The following TFPI variants were observed in gnomAD, a reference collection of about 807,000 sequenced individuals.
TFPI encodes tissue factor pathway inhibitor.
TFPI carries 15 observed loss-of-function variants against 34.6 expected under a neutral mutation model. That is an observed-to-expected ratio of 0.43 (90% CI 0.29 to 0.67). The LOEUF (loss-of-function observed/expected upper bound fraction) is 0.67, where lower values mean the gene tolerates loss of function less well. Ranked by LOEUF, TFPI falls within the 30% of genes least tolerant of loss-of-function variation. TFPI has a pLI of 0.15. For missense variants in TFPI, 301 were observed against 364.0 expected (o/e 0.83, Z 1.41); for synonymous variants, 105 against 120.1 (o/e 0.87, Z 0.82).
At chr2:187,501,446 G>T (rs977415610) in intron 2 of TFPI, among the ~76,000 whole-genome samples, 5 of 151,984 alleles carry the variant, frequency 3.3e-5, no homozygotes, top group African/African-American at 4.8e-5. Flanking sequence ...TACCATCTAA[G>T]AATCCACATG....
intron 3 of TFPI, among the ~76,000 whole-genome samples, chr2:187,492,463 G>GA: frequency 6.6e-6 from 1 of 152,130 alleles, no homozygotes; most frequent in Non-Finnish European, 1.5e-5. Context: ...ACCATTTATT[G>GA]AATAGAGTGC....
At chr2:187,496,785 C>T in intron 3 of TFPI, 96 bp downstream of exon 3, 1 of 1,099,478 alleles carries the variant, frequency 9.1e-7, no homozygotes, top group Non-Finnish European at 1.3e-6. Context: ...AATATTAAAA[C>T]AGCATGAAAT....
intron 6 of TFPI, among the ~76,000 whole-genome samples, chr2:187,469,921 G>A (rs1451645939): frequency 6.6e-6 from 1 of 152,084 alleles, no homozygotes; most frequent in African/African-American, 2.4e-5. Flanking sequence ...TGTGGGATGT[G>A]TATTATCATC....
intron 1 of TFPI, among the ~76,000 whole-genome samples, chr2:187,510,901 C>T (rs372001550): frequency 1.3e-5 from 2 of 152,304 alleles, no homozygotes. Context: ...AAGCTCCTCA[C>T]TTCTTTAACC....
chr2:187,551,018 G>T (rs1012195199), intron 1 of TFPI, among the ~76,000 whole-genome samples: 3 of 152,074 alleles, frequency 2.0e-5, no homozygotes, highest in African/African-American at 4.8e-5. Flanking sequence ...TGAGGGTGTG[G>T]TATATTTCGA....
chr2:187,539,246 C>T (rs1574524568), intron 1 of TFPI, among the ~76,000 whole-genome samples: 1 of 152,044 alleles, frequency 6.6e-6, no homozygotes, highest in South Asian at 2.1e-4. Context: ...AAAGTAAGGA[C>T]CAGTGATAAT....
chr2:187,468,017 T>C, intron 6 of TFPI, 85 bp from the exon 7 acceptor site: 1 of 1,150,088 alleles, frequency 8.7e-7, no homozygotes, highest in South Asian at 2.4e-5. Context: ...TAGATTAATG[T>C]TGTTGCATGT....
intron 1 of TFPI, among the ~76,000 whole-genome samples, chr2:187,526,467 A>G (rs933916318): frequency 1.1e-4 from 16 of 152,196 alleles, no homozygotes; most frequent in African/African-American, 3.6e-4. Context: ...ATGGGATGAA[A>G]AAAAAGAGCA....
At chr2:187,526,771 T>C (rs1687700297) in intron 1 of TFPI, 1 of 152,154 alleles carries the variant, frequency 6.6e-6, no homozygotes, top group African/African-American at 2.4e-5. Flanking sequence ...TATTAATCTC[T>C]AAGCTCAATG....
At chr2:187,552,926 T>C (rs1354354269) in intron 1 of TFPI, among the ~76,000 whole-genome samples, 2 of 152,090 alleles carry the variant, frequency 1.3e-5, no homozygotes, top group Non-Finnish European at 2.9e-5. Context: ...GTATTTACAT[T>C]AATATTTTTC....
At chr2:187,550,579 A>G (rs2106335080) in intron 1 of TFPI, among the ~76,000 whole-genome samples, 1 of 152,304 alleles carries the variant, frequency 6.6e-6, no homozygotes, top group East Asian at 1.9e-4. Flanking sequence ...CTAGGGATGC[A>G]AAGAACAGTA....
chr2:187,468,499 G>A (rs555572200), intron 6 of TFPI, among the ~76,000 whole-genome samples: 2 of 152,052 alleles, frequency 1.3e-5, no homozygotes, highest in East Asian at 3.9e-4. Flanking sequence ...AAGTTTCAAG[G>A]AATGAGTCCA....
At chr2:187,491,742 T>C (rs961959060) in intron 3 of TFPI, among the ~76,000 whole-genome samples, 1 of 152,128 alleles carries the variant, frequency 6.6e-6, no homozygotes, top group Admixed American at 6.6e-5. Flanking sequence ...CTGGAACAAA[T>C]GGTAGTTCTA....
chr2:187,493,598 A>G (rs1685266527), intron 3 of TFPI, among the ~76,000 whole-genome samples: 1 of 152,084 alleles, frequency 6.6e-6, no homozygotes, highest in Non-Finnish European at 1.5e-5. Context: ...CCATACTTTT[A>G]TGCTCTGTTT....
chr2:187,531,145 T>C (rs1687936277), intron 1 of TFPI, among the ~76,000 whole-genome samples: 1 of 152,158 alleles, frequency 6.6e-6, no homozygotes, highest in Non-Finnish European at 1.5e-5. Context: ...AGTCAATACC[T>C]TTACAGACTC....
chr2:187,479,546 C>CATATAA (rs1692670016), intron 6 of TFPI, among the ~76,000 whole-genome samples: 1 of 63,314 alleles, frequency 1.6e-5, no homozygotes, highest in Non-Finnish European at 3.1e-5. Context: ...ATATCACGTT[C>CATATAA]ATATATATAT....
intron 1 of TFPI, among the ~76,000 whole-genome samples, chr2:187,523,875 A>G (rs1687545652): frequency 6.6e-6 from 1 of 152,082 alleles, no homozygotes; most frequent in Admixed American, 6.5e-5. Context: ...CCATAAGGAA[A>G]TTCTCCACCC....
intron 1 of TFPI, among the ~76,000 whole-genome samples, chr2:187,530,788 GAAAT>G (rs1448983412): frequency 2.0e-5 from 3 of 152,070 alleles, no homozygotes; most frequent in Non-Finnish European, 2.9e-5. Context: ...GGATATTTGT[GAAAT>G]AAATCTTTTA....
At chr2:187,547,330 A>T (rs1170791508) in intron 1 of TFPI, among the ~76,000 whole-genome samples, 1 of 152,242 alleles carries the variant, frequency 6.6e-6, no homozygotes. Context: ...TTCAAATATT[A>T]GCTAAAATTT....
Sources: gnomAD v4.1 joint callset for allele counts (sites outside exome capture counted in the v4.1 genomes callset) on GRCh38, gnomAD v4.1.1 for gene constraint, MANE v1.5 for transcripts, NCBI Gene and HGNC (gene_info 2026-07-23, HGNC 2026-07-21) for gene names.